Variants in PRDM16 observed in about 807,000 individuals in gnomAD.
The protein encoded by PRDM16 is PR/SET domain 16.
Under a neutral mutation model 110.6 loss-of-function variants are expected in PRDM16, and 23 were observed. The observed-to-expected ratio is 0.21, with a 90% CI of 0.15 to 0.29. PRDM16 has a LOEUF of 0.29. Among genes scored for constraint, PRDM16 ranks in the 10% least tolerant of loss-of-function variants. PRDM16 has a pLI of 1.00. For missense variants in PRDM16, 1,615 were observed against 1,794.3 expected (o/e 0.90, Z 1.81); for synonymous variants, 799 against 781.8 (o/e 1.02, Z -0.37).
chr1:3,407,967 C>G (rs1643590505), intron 8 of PRDM16, among the ~76,000 whole-genome samples: 1 of 152,178 alleles, frequency 6.6e-6, no homozygotes, highest in Admixed American at 6.5e-5. Flanking sequence ...ATTCTCATTC[C>G]CTTAGAAATT....
At chr1:3,406,027 C>A (rs1643556165) in intron 8 of PRDM16, among the ~76,000 whole-genome samples, 1 of 152,228 alleles carries the variant, frequency 6.6e-6, no homozygotes, top group Non-Finnish European at 1.5e-5. Flanking sequence ...TCCAGAAGGG[C>A]GTGCTTCTGT....
In PRDM16 at chr1:3,116,898, G is replaced by GC. The variant is rs1165480421; in HGVS notation, c.37+47604dup. ...GTGACTGGGCACTCCTTGCAGCACA[G>GC]CCTGGTCACAGCCCAAGCCCGACCT... On this transcript the variant is annotated intron_variant, in intron 1 of 16. Coordinates refer to ENST00000270722, the MANE Select transcript of PRDM16 (RefSeq NM_022114.4). Among the ~76,000 whole-genome samples, 8 of 152,340 alleles carry GC rather than the reference G, an allele frequency of 5.3e-5. No individual in the cohort carries two copies. The East Asian group carries it at 1.5e-3, about 29-fold the overall frequency.
chr1:3,115,327 G>A (rs868453524), intron 1 of PRDM16, among the ~76,000 whole-genome samples: 6 of 152,204 alleles, frequency 3.9e-5, no homozygotes, highest in Admixed American at 6.5e-5. Context: ...CCCCATCAGC[G>A]CCCGTCAGAA....
intron 7 of PRDM16, 119 bp downstream of exon 7, chr1:3,405,005 T>A: frequency 1.8e-6 from 2 of 1,142,474 alleles, no homozygotes; most frequent in Middle Eastern, 2.3e-4. Flanking sequence ...GCAGAGTGGG[T>A]AGGAGGCCCC....
chr1:3,426,225 G>A lies in PRDM16; in HGVS notation c.3284G>A (p.Arg1095Gln), dbSNP rs763726368. The A allele has an allele frequency of 2.5e-6, 4 of 1,612,204 alleles. No individual in the cohort carries two copies. The highest frequency in any genetic ancestry group is 2.2e-5 in the East Asian group (1 of 44,822). ...MNQASTRTEKRADMQIVDGSA... is the reference protein window; with the variant it reads ...MNQASTRTEKQADMQIVDGSA... ...CAAGCATCAACGCGAACAGAGAAAC[G>A]GTAAGAAAACTATCGCGGGCTGGGG... Residue 1095 changes from arginine (R) to glutamine (Q), a missense_variant and splice_region_variant, in exon 14 of 17, where the codon CGG becomes CAG. By Grantham distance (43) the Arg-to-Gln change is conservative (BLOSUM62 1). Transcript: ENST00000270722.
chr1:3,208,589 C>T lies in PRDM16; in HGVS notation c.387+22115C>T, dbSNP rs1638807166. On this transcript the variant is annotated intron_variant, in intron 2 of 16. Transcript: ENST00000270722. The surrounding 1 kb of genome is among the most constrained non-coding windows in gnomAD (Gnocchi z 6.1). Reference sequence around the variant, plus strand: ...GCTGAGGCAGAAGAATCGCTTGAACCCAGGAGGCAGAAGTTGCAGTGAGCT... The same window carrying T: ...GCTGAGGCAGAAGAATCGCTTGAACTCAGGAGGCAGAAGTTGCAGTGAGCT... The T allele has an allele frequency of 6.6e-6, 1 of 151,840 alleles. No homozygotes were observed. The highest frequency in any genetic ancestry group is 2.1e-4 in the South Asian group (1 of 4,812). 9.4% of individuals were successfully genotyped at this position (151,840 alleles called of 1,614,324 possible). A position where few individuals can be genotyped will look rare whatever the true frequency, so the allele number is the denominator to read the frequency against.
At chr1:3,408,603 GGT>G (rs756989579) in intron 8 of PRDM16, among the ~76,000 whole-genome samples, 3 of 141,598 alleles carry the variant, frequency 2.1e-5, no homozygotes, top group East Asian at 2.0e-4. Flanking sequence ...TGTGTGAGCT[GGT>G]GTGTGTGTGA....
intron 2 of PRDM16, among the ~76,000 whole-genome samples, chr1:3,231,045 T>C (rs1639397068): frequency 1.3e-5 from 2 of 152,094 alleles, no homozygotes; most frequent in African/African-American, 4.8e-5. Flanking sequence ...CTTATCTCCG[T>C]CCTCCTTGGA....
At chr1:3,247,152 T>C (rs1256532302) in intron 3 of PRDM16, among the ~76,000 whole-genome samples, 1 of 151,928 alleles carries the variant, frequency 6.6e-6, no homozygotes. Flanking sequence ...ATGACGGGGG[T>C]GGCTGTGTGA....
intron 3 of PRDM16, among the ~76,000 whole-genome samples, chr1:3,251,353 C>T (rs535381212): frequency 6.6e-6 from 1 of 151,736 alleles, no homozygotes; most frequent in East Asian, 1.9e-4. Context: ...GCTCTGGGTA[C>T]CGAGGGTGAG....
chr1:3,218,438 G>A (rs566544400), intron 2 of PRDM16, among the ~76,000 whole-genome samples: 10 of 152,326 alleles, frequency 6.6e-5, no homozygotes, highest in African/African-American at 2.4e-4. Flanking sequence ...CTCGGTGTGC[G>A]GGAACAGGCC....
chr1:3,331,300 C>G (rs753187579), intron 3 of PRDM16, among the ~76,000 whole-genome samples: 11 of 152,058 alleles, frequency 7.2e-5, no homozygotes, highest in Non-Finnish European at 1.3e-4. Flanking sequence ...GGCAGCCCCC[C>G]CCCGGCACAC....
chr1:3,108,402 G>A (rs1184764455), intron 1 of PRDM16, among the ~76,000 whole-genome samples: 3 of 152,202 alleles, frequency 2.0e-5, no homozygotes, highest in Non-Finnish European at 4.4e-5. Context: ...TGTAGGGGAA[G>A]TATTCACCTC....
Position 3,119,923 on chromosome 1 carries a change from G to A in PRDM16, c.37+50627G>A, listed in dbSNP as rs367689215. ...CCCCCAGGATCCCTGCGGCCCCACA[G>A]CCCCTTCCCTGCCTGGAGGCTGTTT... On this transcript the variant is annotated intron_variant, in intron 1 of 16. Coordinates refer to ENST00000270722, the MANE Select transcript of PRDM16 (RefSeq NM_022114.4). Among the ~76,000 whole-genome samples, 17 of 152,258 alleles carry A rather than the reference G, an allele frequency of 1.1e-4. No homozygotes were observed. In the East Asian group the frequency reaches 3.1e-3, roughly 28 times the overall value.
chr1:3,240,971 G>C (rs893901589), intron 2 of PRDM16, among the ~76,000 whole-genome samples: 4 of 152,220 alleles, frequency 2.6e-5, no homozygotes, highest in Non-Finnish European at 5.9e-5. Context: ...TTGAGAGCGC[G>C]GCGGCCGCTG....
At chr1:3,130,443 C>T (rs933958007) in intron 1 of PRDM16, among the ~76,000 whole-genome samples, 4 of 152,180 alleles carry the variant, frequency 2.6e-5, no homozygotes, top group African/African-American at 9.7e-5. Flanking sequence ...GCCCTTCCTG[C>T]GGCCATGGGG....
intron 1 of PRDM16, among the ~76,000 whole-genome samples, chr1:3,170,911 C>T (rs919201640): frequency 3.9e-5 from 6 of 152,264 alleles, no homozygotes; most frequent in East Asian, 1.9e-4. Context: ...ACCGGGGAAA[C>T]GTGTGTTTCA....
At chr1:3,203,860 A>G (rs1419182875) in intron 2 of PRDM16, among the ~76,000 whole-genome samples, 3 of 152,164 alleles carry the variant, frequency 2.0e-5, no homozygotes, top group Non-Finnish European at 4.4e-5. Context: ...CACAATTTAC[A>G]TAGATCCCTT....
chr1:3,334,719 G>C (rs538066129), intron 3 of PRDM16, among the ~76,000 whole-genome samples: 1 of 152,192 alleles, frequency 6.6e-6, no homozygotes, highest in African/African-American at 2.4e-5. Context: ...GTTCACCCAC[G>C]TCCTTCTCAC....
Sources: gnomAD v4.1 joint callset for allele counts (sites outside exome capture counted in the v4.1 genomes callset) on GRCh38, gnomAD v4.1.1 for gene constraint, Gnocchi (gnomAD v3.1) non-coding constraint, MANE v1.5 for transcripts, NCBI Gene and HGNC (gene_info 2026-07-23, HGNC 2026-07-21) for gene names.